The following NTM variants were observed in gnomAD, a reference collection of about 807,000 sequenced individuals.
The protein encoded by NTM is IgLON family member 2.
NTM carries 13 observed loss-of-function variants against 42.1 expected under a neutral mutation model. The observed-to-expected ratio is 0.31, with a 90% CI of 0.20 to 0.49. The LOEUF (loss-of-function observed/expected upper bound fraction) is 0.49. Among genes scored for constraint, NTM ranks in the 20% least tolerant of loss-of-function variants. The pLI is 0.99. For missense variants in NTM, 373 were observed against 452.8 expected, an observed-to-expected ratio of 0.82 and a Z score of 1.60; for synonymous variants, 187 against 179.2, an observed-to-expected ratio of 1.04 and a Z score of -0.35.
intron 1 of NTM, among the ~76,000 whole-genome samples, chr11:131,451,832 A>G (rs1950511233): frequency 2.0e-5 from 3 of 151,974 alleles, no homozygotes; most frequent in African/African-American, 7.2e-5. Context: ...TGTGAGGAGG[A>G]GCACACACAG....
chr11:132,091,175 A>C (rs985231158), intron 2 of NTM, among the ~76,000 whole-genome samples: 6 of 152,162 alleles, frequency 3.9e-5, no homozygotes, highest in African/African-American at 1.4e-4. Context: ...AGATTGCTTG[A>C]GCCTAGGAGC....
intron 1 of NTM, among the ~76,000 whole-genome samples, chr11:131,743,977 G>A (rs1359878129): frequency 2.0e-5 from 3 of 152,064 alleles, no homozygotes; most frequent in Non-Finnish European, 4.4e-5. Context: ...CATCAAATTA[G>A]TTCTTAAGAT....
intron 1 of NTM, among the ~76,000 whole-genome samples, chr11:131,647,840 G>A (rs1482288524): frequency 6.6e-6 from 1 of 152,160 alleles, no homozygotes; most frequent in African/African-American, 2.4e-5. Flanking sequence ...TAACTATCCA[G>A]AAAGGATAGT....
intron 2 of NTM, among the ~76,000 whole-genome samples, chr11:131,968,096 A>G (rs1005879250): frequency 6.6e-6 from 1 of 152,242 alleles, no homozygotes; most frequent in African/African-American, 2.4e-5. Flanking sequence ...AATGGGTACA[A>G]TTTAAAATCA....
intron 1 of NTM, among the ~76,000 whole-genome samples, chr11:131,559,284 T>C (rs1483490627): frequency 5.3e-5 from 8 of 152,238 alleles, no homozygotes; most frequent in East Asian, 3.9e-4. Context: ...CATATGGCTA[T>C]TCCGAACAGT....
intron 1 of NTM, among the ~76,000 whole-genome samples, chr11:131,612,253 G>A (rs2061519449): frequency 2.0e-5 from 3 of 152,198 alleles, no homozygotes; most frequent in Admixed American, 2.0e-4. Flanking sequence ...AACCTCATAA[G>A]AGACCCTGAA....
chr11:132,033,276 A>G lies in NTM; in HGVS notation c.168-113006A>G, dbSNP rs569777926. Among the ~76,000 whole-genome samples, 7 of 152,288 alleles carry G rather than the reference A, an allele frequency of 4.6e-5. No homozygotes were observed. In the East Asian group the frequency reaches 1.2e-3, roughly 25 times the overall value. On this transcript the variant is annotated intron_variant, in intron 2 of 8. Coordinates refer to ENST00000683400, the MANE Select transcript of NTM (RefSeq NM_001352005.2). ...GTCTCATGTTATTTTCAGGCAATGT[A>G]AGGTTTTATTTTTGTCATGCACCAA... is the stretch of plus-strand genomic sequence containing the variant.
chr11:132,033,524 T>C (rs2076169134), intron 2 of NTM, among the ~76,000 whole-genome samples: 1 of 152,164 alleles, frequency 6.6e-6, no homozygotes, highest in African/African-American at 2.4e-5. Context: ...TCCAGTCTTG[T>C]CACAAACATT....
At chr11:132,335,004 T>C (rs1219173649) in intron 8 of NTM, 42 bp from the exon 9 acceptor site, 7 of 1,596,330 alleles carry the variant, frequency 4.4e-6, no homozygotes, top group Non-Finnish European at 6.0e-6. Flanking sequence ...TTTCCTTCCA[T>C]TTTCTCCCAG....
chr11:131,570,221 A>T (rs1219024869), intron 1 of NTM, among the ~76,000 whole-genome samples: 1 of 152,186 alleles, frequency 6.6e-6, no homozygotes, highest in Admixed American at 6.5e-5. Context: ...GCCTTCATTC[A>T]GTTCATGGGA....
At chr11:132,230,481 C>G (rs2087292656) in intron 4 of NTM, among the ~76,000 whole-genome samples, 1 of 152,198 alleles carries the variant, frequency 6.6e-6, no homozygotes, top group South Asian at 2.1e-4. Flanking sequence ...CAGCAGCTGT[C>G]TTTTCTGCAT....
intron 1 of NTM, among the ~76,000 whole-genome samples, chr11:131,540,009 C>T (rs1307022250): frequency 6.6e-6 from 1 of 152,206 alleles, no homozygotes; most frequent in Non-Finnish European, 1.5e-5. Flanking sequence ...GCTCCCACCT[C>T]ATCCTTGCTC....
chr11:132,195,384 C>T (rs2080019859), intron 3 of NTM, among the ~76,000 whole-genome samples: 1 of 151,568 alleles, frequency 6.6e-6, no homozygotes. Context: ...AACCAATTTA[C>T]AGATTCAATG....
intron 1 of NTM, among the ~76,000 whole-genome samples, chr11:131,695,066 C>T (rs941764372): frequency 9.9e-5 from 15 of 152,282 alleles, no homozygotes; most frequent in Non-Finnish European, 2.1e-4. Context: ...CAGGAGAGAG[C>T]TGTCTGCCAG....
intron 4 of NTM, among the ~76,000 whole-genome samples, chr11:132,303,313 G>A (rs1057475874): frequency 4.6e-5 from 7 of 152,196 alleles, no homozygotes; most frequent in African/African-American, 1.7e-4. Context: ...GACAGTGACA[G>A]GGGAGAACCC....
chr11:132,128,807 G>A (rs934196210), intron 2 of NTM, among the ~76,000 whole-genome samples: 2 of 151,368 alleles, frequency 1.3e-5, no homozygotes, highest in South Asian at 2.1e-4. Flanking sequence ...GTGCGGTGGC[G>A]GGCACCTGTA....
chr11:131,406,541 A>G (rs1425865473), intron 1 of NTM, among the ~76,000 whole-genome samples: 1 of 152,204 alleles, frequency 6.6e-6, no homozygotes, highest in African/African-American at 2.4e-5. Context: ...ATAACACCAA[A>G]ACCTATATAT....
At chr11:132,321,381 C>T (rs1436638082) in intron 7 of NTM, among the ~76,000 whole-genome samples, 1 of 152,004 alleles carries the variant, frequency 6.6e-6, no homozygotes, top group African/African-American at 2.4e-5. Context: ...GTGAAGAATG[C>T]AGAAGCCTCA....
At chr11:132,066,925 A>G (rs2056593321) in intron 2 of NTM, among the ~76,000 whole-genome samples, 1 of 151,856 alleles carries the variant, frequency 6.6e-6, no homozygotes, top group Non-Finnish European at 1.5e-5. Flanking sequence ...CACAGATTCC[A>G]GGGATTAGGA....
Sources: allele counts gnomAD v4.1 joint callset (sites outside exome capture counted in the v4.1 genomes callset), GRCh38; gene constraint gnomAD v4.1.1; transcripts MANE v1.5; gene names NCBI Gene and HGNC (gene_info 2026-07-23, HGNC 2026-07-21).